IL6R: variants seen among roughly 807,000 people sequenced by gnomAD.
IL6R encodes the protein interleukin 6 receptor.
IL6R carries 38 observed loss-of-function variants against 48.3 expected under a neutral mutation model. That is an observed-to-expected ratio of 0.79 (90% CI 0.61 to 1.03). IL6R has a LOEUF of 1.03. IL6R is among the 50% of genes least tolerant of loss of function. IL6R has a pLI of 0.00. For synonymous variants in IL6R, 264 were observed against 256.2 expected, an observed-to-expected ratio of 1.03 and a Z score of -0.29; for missense variants, 534 against 618.3, an observed-to-expected ratio of 0.86 and a Z score of 1.45.
chr1:154,421,388 A>G (rs908555479), intron 1 of IL6R, among the ~76,000 whole-genome samples: 2 of 152,286 alleles, frequency 1.3e-5, no homozygotes, highest in African/African-American at 4.8e-5. Flanking sequence ...ATGGGTCCCC[A>G]CTGCCCAGGC....
rs2149235572 is a variant in IL6R at position 154,429,331 on chromosome 1, G to C, written c.221G>C (p.Trp74Ser). ...GCTGCAGGCTCCCACCCCAGCAGAT[G>C]GGCTGGCATGGGAAGGAGGCTGCTG... ...KPAAGSHPSR[W>S]AGMGRRLLLR... Residue 74 changes from tryptophan (W) to serine (S), a missense_variant, in exon 2 of 10, where the codon TGG becomes TCG. By Grantham distance (177) the Trp-to-Ser change is radical. Transcript: ENST00000368485. 1 of 1,614,108 alleles carries C rather than the reference G, an allele frequency of 6.2e-7. No homozygotes were observed. The highest frequency in any genetic ancestry group is 1.3e-5 in the African/African-American group (1 of 75,034).
chr1:154,454,881 T>C (rs60408236), intron 9 of IL6R, among the ~76,000 whole-genome samples: 7,788 of 152,166 alleles, frequency 0.051, 670 homozygotes, highest in African/African-American at 0.18. Context: ...GACCTGGCAT[T>C]AAGGAGGAAG....
In IL6R at chr1:154,454,523, C is replaced by G; in HGVS notation, c.1102C>G (p.Leu368Val). Residue 368 changes from leucine to valine, a missense_variant, in exon 9 of 10, where the codon CTG becomes GTG. Transcript: ENST00000368485. The part of the protein sequence containing the change: ...DSSSVPLPTF[L>V]VAGGSLAFGT... Reference sequence around the variant, plus strand: ...TTCTTCAGTACCACTGCCCACATTCCTGGTTGCTGGAGGGAGCCTGGCCTT... The same window carrying G: ...TTCTTCAGTACCACTGCCCACATTCGTGGTTGCTGGAGGGAGCCTGGCCTT... The G allele has an allele frequency of 6.2e-7, 1 of 1,613,840 alleles. No individual in the cohort carries two copies. The highest frequency in any genetic ancestry group is 1.3e-5 in the African/African-American group (1 of 75,016).
chr1:154,407,357 C>T (rs973101724), intron 1 of IL6R, among the ~76,000 whole-genome samples: 1 of 152,186 alleles, frequency 6.6e-6, no homozygotes, highest in African/African-American at 2.4e-5. Flanking sequence ...ATGCTAGGCC[C>T]TTCCAGGGCA....
At chr1:154,445,612 T>A (rs6683206) in intron 6 of IL6R, among the ~76,000 whole-genome samples, 1 of 151,614 alleles carries the variant, frequency 6.6e-6, no homozygotes, top group East Asian at 1.9e-4. Flanking sequence ...TAGGCGGGTG[T>A]GGTGGTGGGC....
chr1:154,442,800 T>C (rs7529670), intron 6 of IL6R, among the ~76,000 whole-genome samples: 8,678 of 152,072 alleles, frequency 0.057, 842 homozygotes, highest in African/African-American at 0.2. Flanking sequence ...TTTTTTTTTT[T>C]TTCAGAGATG....
intron 9 of IL6R, among the ~76,000 whole-genome samples, chr1:154,464,163 T>C (rs1020693151): frequency 3.8e-5 from 3 of 79,232 alleles, no homozygotes; most frequent in African/African-American, 9.5e-5. Flanking sequence ...TTTCTTTTTT[T>C]TTATTTTTGA....
At chr1:154,460,196 A>G (rs1691167181) in intron 9 of IL6R, among the ~76,000 whole-genome samples, 1 of 152,242 alleles carries the variant, frequency 6.6e-6, no homozygotes, top group South Asian at 2.1e-4. Context: ...GTGGAGGTCA[A>G]GGTGCAAAAG....
intron 6 of IL6R, among the ~76,000 whole-genome samples, chr1:154,441,441 T>C (rs1689929617): frequency 6.6e-6 from 1 of 152,130 alleles, no homozygotes; most frequent in Non-Finnish European, 1.5e-5. Flanking sequence ...CTCCACCCTA[T>C]GCATGTGTGG....
intron 9 of IL6R, 116 bp from the exon 10 acceptor site, chr1:154,465,018 C>T (rs569038103): frequency 3.0e-5 from 36 of 1,211,724 alleles, no homozygotes; most frequent in African/African-American, 3.0e-5. Context: ...TCCTTTGAGC[C>T]GAAACCTGGG....
At chr1:154,414,958 TG>T (rs1026400827) in intron 1 of IL6R, 10 of 1,342,522 alleles carry the variant, frequency 7.4e-6, no homozygotes, top group Non-Finnish European at 1.0e-5. Context: ...GATGCTCCAC[TG>T]GCCCCGATCT....
intron 8 of IL6R, 110 bp downstream of exon 8, chr1:154,450,090 A>C: frequency 1.1e-5 from 7 of 641,708 alleles, no homozygotes; most frequent in East Asian, 3.1e-5. Flanking sequence ...TCACAGATCA[A>C]TCGCAGAAAT....
At chr1:154,447,484 C>T (rs1570986983) in intron 6 of IL6R, among the ~76,000 whole-genome samples, 1 of 96,536 alleles carries the variant, frequency 1.0e-5, no homozygotes, top group African/African-American at 4.7e-5. Context: ...TATACACACA[C>T]ACACACACAC....
At chr1:154,406,102 G>C (rs868043956) in intron 1 of IL6R, among the ~76,000 whole-genome samples, 1 of 152,200 alleles carries the variant, frequency 6.6e-6, no homozygotes, top group Non-Finnish European at 1.5e-5. Flanking sequence ...CCCCAGCGGG[G>C]TGATGTACCC....
At chr1:154,463,249 TTC>T (rs1471485709) in intron 9 of IL6R, among the ~76,000 whole-genome samples, 3 of 152,208 alleles carry the variant, frequency 2.0e-5, no homozygotes, top group African/African-American at 7.2e-5. Context: ...AGTGTAATGA[TTC>T]TCTCCTCAGT....
At chr1:154,429,158 T>A in intron 1 of IL6R, 38 bp from the exon 2 acceptor site, 1 of 1,586,392 alleles carries the variant, frequency 6.3e-7, no homozygotes, top group East Asian at 2.3e-5. Context: ...CCTTCTTCAG[T>A]GGCTGTGGGC....
chr1:154,408,524 G>C (rs536285660), intron 1 of IL6R, among the ~76,000 whole-genome samples: 27 of 152,168 alleles, frequency 1.8e-4, no homozygotes, highest in African/African-American at 6.3e-4. Flanking sequence ...CTTGGGGTAG[G>C]GGGTGGTTAG....
intron 6 of IL6R, among the ~76,000 whole-genome samples, chr1:154,444,744 T>TA (rs1362770488): frequency 6.0e-5 from 9 of 150,930 alleles, no homozygotes; most frequent in East Asian, 5.8e-4. Flanking sequence ...AAAAAAAAGT[T>TA]AAAAAAAAAT....
intron 6 of IL6R, among the ~76,000 whole-genome samples, chr1:154,447,232 A>G (rs1326675446): frequency 6.6e-6 from 1 of 151,694 alleles, no homozygotes; most frequent in Non-Finnish European, 1.5e-5. Context: ...TGAGGTCAGG[A>G]GTTCAAGACC....
Sources: gnomAD v4.1 joint callset for allele counts (sites outside exome capture counted in the v4.1 genomes callset) on GRCh38, gnomAD v4.1.1 for gene constraint, MANE v1.5 for transcripts, NCBI Gene and HGNC (gene_info 2026-07-23, HGNC 2026-07-21) for gene names.